Variants in ZSCAN23 observed in about 807,000 individuals in gnomAD.
ZSCAN23 encodes zinc finger and SCAN domain containing 23.
In ZSCAN23, 19 loss-of-function variants were observed where a neutral mutation model predicts 19.3. That is an observed-to-expected ratio of 0.99 (90% CI 0.69 to 1.45). The LOEUF (loss-of-function observed/expected upper bound fraction) is 1.45. ZSCAN23 is among the 40% of genes most tolerant of loss of function. ZSCAN23 has a pLI of 0.00. For missense variants in ZSCAN23, 372 were observed against 462.5 expected (o/e 0.80, Z 1.79); for synonymous variants, 140 against 166.2 (o/e 0.84, Z 1.21).
At chr6:28,437,411 G>A (rs1282977946) in intron 1 of ZSCAN23, among the ~76,000 whole-genome samples, 2 of 151,996 alleles carry the variant, frequency 1.3e-5, no homozygotes, top group East Asian at 1.9e-4. Context: ...ATGAAACCCC[G>A]TCTCTGCTAA....
chr6:28,430,732 G>A (rs990519503), downstream of ZSCAN23, among the ~76,000 whole-genome samples: 1 of 152,018 alleles, frequency 6.6e-6, no homozygotes, highest in Non-Finnish European at 1.5e-5. Context: ...ACACACTTAA[G>A]GCAGGGTCAG....
At chr6:28,432,093 T>C (rs1465691439), downstream of ZSCAN23, 2 of 152,224 alleles carry the variant, frequency 1.3e-5, no homozygotes, top group African/African-American at 4.8e-5. Flanking sequence ...TTGTTCATAA[T>C]TGGTTTCCTT....
chr6:28,432,374 TA>T (rs1761777762), downstream of ZSCAN23, among the ~76,000 whole-genome samples: 6 of 152,204 alleles, frequency 3.9e-5, no homozygotes, highest in Non-Finnish European at 7.4e-5. Flanking sequence ...CAAGACACAA[TA>T]AAAAATACTT....
chr6:28,430,202 T>C (rs913912025), downstream of ZSCAN23, among the ~76,000 whole-genome samples: 1 of 146,096 alleles, frequency 6.8e-6, no homozygotes, highest in Non-Finnish European at 1.5e-5. Flanking sequence ...GGCATCAGGG[T>C]CTTTCCCTCT....
chr6:28,428,906 C>G (rs1314758309), downstream of ZSCAN23, among the ~76,000 whole-genome samples: 1 of 152,156 alleles, frequency 6.6e-6, no homozygotes, highest in Non-Finnish European at 1.5e-5. Flanking sequence ...AATGGAAAAG[C>G]ACACCACCCT....
the ZSCAN23 span, among the ~76,000 whole-genome samples, chr6:28,424,656 A>C: frequency 6.6e-6 from 1 of 152,214 alleles, no homozygotes; most frequent in Non-Finnish European, 1.5e-5. Context: ...CTAAGAAACC[A>C]CTTTCTTTAC....
At position 28,434,889 on chromosome 6, in the gene ZSCAN23, T is replaced by C. The variant is rs1435254237; in HGVS notation, c.746A>G (p.Tyr249Cys). 4 of 1,555,478 alleles carry C rather than the reference T, an allele frequency of 2.6e-6. No homozygotes were observed. The highest frequency in any genetic ancestry group is 3.3e-4 in the Middle Eastern group (2 of 5,994). ...GCTTTTTCCACATTCACTACAGATA[T>C]AGGGTCTCTCCACTGAAGAGCTCAC... ...QRVSSSVERP[Y>C]ICSECGKSFT... Residue 249 changes from tyrosine (Y) to cysteine (C), a missense_variant, in exon 4 of 4, where the codon TAT becomes TGT. Coordinates refer to ENST00000289788, the MANE Select transcript of ZSCAN23 (RefSeq NM_001012455.2).
chr6:28,437,059 T>G (rs762416933), intron 1 of ZSCAN23, among the ~76,000 whole-genome samples: 10 of 152,242 alleles, frequency 6.6e-5, no homozygotes, highest in Non-Finnish European at 1.3e-4. Flanking sequence ...GTTGGCTACT[T>G]AGTAAACTCC....
intron 1 of ZSCAN23, among the ~76,000 whole-genome samples, chr6:28,441,494 C>G (rs1762000286): frequency 6.6e-6 from 1 of 152,114 alleles, no homozygotes; most frequent in Non-Finnish European, 1.5e-5. Context: ...CAGCTTGATT[C>G]AAATCTCACA....
At chr6:28,437,584 A>G (rs1382460280) in intron 1 of ZSCAN23, among the ~76,000 whole-genome samples, 1 of 152,132 alleles carries the variant, frequency 6.6e-6, no homozygotes, top group Non-Finnish European at 1.5e-5. Context: ...CTCTGTCTCA[A>G]AAAAACAAAA....
At chr6:28,435,123 A>G (rs766553143) in intron 3 of ZSCAN23, 45 bp from the exon 4 acceptor site, 100 of 1,471,976 alleles carry the variant, frequency 6.8e-5, no homozygotes, top group Non-Finnish European at 8.0e-5. Context: ...TATGAAAAAT[A>G]ACAGATTATC....
chr6:28,423,060 G>A, the ZSCAN23 span, among the ~76,000 whole-genome samples: 1 of 152,150 alleles, frequency 6.6e-6, no homozygotes, highest in Non-Finnish European at 1.5e-5. Flanking sequence ...GTAGGAGGGT[G>A]GGGAACTGGG....
intron 1 of ZSCAN23, among the ~76,000 whole-genome samples, chr6:28,438,359 T>A (rs13215476): frequency 0.39 from 58,830 of 152,026 alleles, 11,797 homozygotes; most frequent in African/African-American, 0.48. Context: ...GGCCTCCCAA[T>A]GTGCTGGGAT....
At position 28,433,357 on chromosome 6, in the gene ZSCAN23, C is replaced by T. The variant is rs1352905576; in HGVS notation, c.*1108G>A. Reference sequence around the variant, plus strand: ...GTTACTTCCCAGAACTTCCTTTTCTCTTATCTGTCAAATAAGAGCAAGCAG... The same window carrying T: ...GTTACTTCCCAGAACTTCCTTTTCTTTTATCTGTCAAATAAGAGCAAGCAG... On this transcript the variant is annotated 3_prime_UTR_variant, in exon 4 of 4. Transcript: ENST00000289788. 4 of 152,156 alleles carry T rather than the reference C, an allele frequency of 2.6e-5. No homozygotes were observed. The highest frequency in any genetic ancestry group is 2.0e-4 in the Admixed American group (3 of 15,278). 9.4% of individuals were successfully genotyped at this position (152,156 alleles called of 1,614,324 possible). A position where few individuals can be genotyped will look rare whatever the true frequency, so the allele number is the denominator to read the frequency against.
Position 28,435,491 on chromosome 6 carries a change from AT to A in ZSCAN23, c.524del (p.Asn175IlefsTer22). The A allele has an allele frequency of 6.4e-7, 1 of 1,551,934 alleles. No homozygotes were observed. Among genetic ancestry groups the A allele is most frequent in the East Asian group, 2.4e-5 (1 of 40,906 alleles). On this transcript the variant is annotated frameshift_variant, in exon 3 of 4. Coordinates refer to ENST00000289788, the MANE Select transcript of ZSCAN23 (RefSeq NM_001012455.2). LOFTEE classifies it low-confidence loss of function (END_TRUNC). ...CTTGAACTGGGCACACCTCTCGCAA[AT>A]TATACCCAAGTTGCTCTTCCAAGGT... ...FQTLEEQLGYNLREVCPVQEI... is the reference protein window; with the variant it reads ...FQTLEEQLGYXLREVCPVQEI...
Position 28,433,744 on chromosome 6 carries a change from A to C in ZSCAN23, c.*721T>G, listed in dbSNP as rs938653520. ...GCAAAAACAAAAAAATGCTCATTAT[A>C]TGTTACGGGAAAAATACAAAGAGGC... On this transcript the variant is annotated 3_prime_UTR_variant, in exon 4 of 4. Transcript: ENST00000289788. The C allele has an allele frequency of 1.3e-5, 2 of 152,118 alleles. No individual in the cohort carries two copies. Among genetic ancestry groups the C allele is most frequent in the Non-Finnish European group, 2.9e-5 (2 of 68,006 alleles). The allele number at this position is 152,118 out of a possible 1,614,324, so 9.4% of individuals were successfully genotyped here. A position where few individuals can be genotyped will look rare whatever the true frequency, so the allele number is the denominator to read the frequency against.
In ZSCAN23 at chr6:28,435,585, T is replaced by C; in HGVS notation, c.431A>G (p.Gln144Arg). 1 of 1,551,650 alleles carries C rather than the reference T, an allele frequency of 6.4e-7. No individual in the cohort carries two copies. The highest frequency in any genetic ancestry group is 8.7e-7 in the Non-Finnish European group (1 of 1,146,970). Residue 144 changes from glutamine to arginine, a missense_variant, in exon 3 of 4, where the codon CAG becomes CGG. By Grantham distance (43) the Gln-to-Arg change is conservative. Coordinates refer to ENST00000289788, the MANE Select transcript of ZSCAN23 (RefSeq NM_001012455.2). Reference protein sequence around the residue: ...GEQVLSHAHEQEEFVKEKATP... With the variant: ...GEQVLSHAHEREEFVKEKATP... Reference sequence around the variant, plus strand: ...TGCCTTCTCCTTTACAAACTCTTCCTGTTCATGAGCATGGCTCAGGACCTG... The same window carrying C: ...TGCCTTCTCCTTTACAAACTCTTCCCGTTCATGAGCATGGCTCAGGACCTG...
At chr6:28,430,159 C>T (rs1761733685), downstream of ZSCAN23, among the ~76,000 whole-genome samples, 2 of 128,616 alleles carry the variant, frequency 1.6e-5, no homozygotes, top group South Asian at 4.6e-4. Context: ...CCGTGTCCTC[C>T]GTTCCCTAGG....
chr6:28,424,109 A>G, the ZSCAN23 span, among the ~76,000 whole-genome samples: 4 of 152,208 alleles, frequency 2.6e-5, no homozygotes, highest in East Asian at 5.8e-4. Context: ...CATTGGACAT[A>G]TTGCAGATTT....
Sources: gnomAD v4.1 joint callset for allele counts (sites outside exome capture counted in the v4.1 genomes callset) on GRCh38, gnomAD v4.1.1 for gene constraint, MANE v1.5 for transcripts, NCBI Gene and HGNC (gene_info 2026-07-23, HGNC 2026-07-21) for gene names.